The following TMEM181 variants were observed in gnomAD, a reference collection of about 807,000 sequenced individuals.
TMEM181 encodes the protein transmembrane protein 181, also known as G protein-coupled receptor 178.
In TMEM181, 39 loss-of-function variants were observed where a neutral mutation model predicts 71.9. The ratio of observed to expected loss-of-function variants is 0.54; its 90% CI spans 0.42 to 0.71. The LOEUF is 0.71. Among genes scored for constraint, TMEM181 ranks in the 30% least tolerant of loss-of-function variants. The probability of loss-of-function intolerance (pLI) is 0.00; values close to 1 mark genes in which losing one functional copy is unlikely to be tolerated. For synonymous variants in TMEM181, 245 were observed against 228.8 expected, an observed-to-expected ratio of 1.07 and a Z score of -0.64; for missense variants, 595 against 583.0, an observed-to-expected ratio of 1.02 and a Z score of -0.21.
At chr6:158,592,366 C>T (rs543015357) in intron 6 of TMEM181, among the ~76,000 whole-genome samples, 3 of 152,200 alleles carry the variant, frequency 2.0e-5, no homozygotes, top group Non-Finnish European at 4.4e-5. Flanking sequence ...TAGATTGGGC[C>T]GGGGGCAGTA....
intron 1 of TMEM181, among the ~76,000 whole-genome samples, chr6:158,560,874 T>G (rs1009674380): frequency 3.9e-5 from 6 of 152,052 alleles, no homozygotes; most frequent in African/African-American, 1.2e-4. Flanking sequence ...AAAACCTGTT[T>G]GGGGTCTCGT....
In TMEM181 at chr6:158,589,800, C is replaced by G. The variant is rs1016549950; in HGVS notation, c.492+18C>G. The G allele has an allele frequency of 2.6e-6, 4 of 1,532,304 alleles. No homozygotes were observed. In the African/African-American group the frequency reaches 5.5e-5, roughly 21 times the overall value. The allele number at this position is 1,532,304 out of a possible 1,614,324, so 94.9% of individuals were successfully genotyped here. On this transcript the variant is annotated intron_variant, in intron 6 of 16. Coordinates refer to ENST00000684151, the MANE Select transcript of TMEM181 (RefSeq NM_001376852.1). ...ACTTCACAGTAAGTATACCAGCTGA[C>G]TGCACGTTTCCATGGCTCATGTTCT...
At chr6:158,577,684 A>G (rs1783241134) in intron 2 of TMEM181, among the ~76,000 whole-genome samples, 1 of 152,248 alleles carries the variant, frequency 6.6e-6, no homozygotes, top group Non-Finnish European at 1.5e-5. Flanking sequence ...TCTTGAAAGC[A>G]GTAAGAGAGT....
rs1784877195 is a variant in TMEM181, at chr6:158,605,131, AG to A, written c.493-135del. The A allele has an allele frequency of 8.8e-4, 142 of 160,588 alleles. No homozygotes were observed. The Middle Eastern group carries it at 0.012, about 14-fold the overall frequency. The allele number at this position is 160,588 out of a possible 1,614,324, so 9.9% of individuals were successfully genotyped here. A position where few individuals can be genotyped will look rare whatever the true frequency, so the allele number is the denominator to read the frequency against. On this transcript the variant is annotated intron_variant, in intron 6 of 16. Transcript: ENST00000684151. Reference sequence around the variant, plus strand: ...TCCATATCCAAAAAAAAAAAAAAAAAGTGTGTGTGTGTGTGTGTGTGTGTGT... The same window carrying A: ...TCCATATCCAAAAAAAAAAAAAAAAATGTGTGTGTGTGTGTGTGTGTGTGT...
chr6:158,570,890 T>C (rs1031147455), intron 1 of TMEM181, among the ~76,000 whole-genome samples: 4 of 151,688 alleles, frequency 2.6e-5, no homozygotes, highest in African/African-American at 9.7e-5. Context: ...AATCTTCCAT[T>C]CTGCAGTATT....
In TMEM181 at chr6:158,585,340, A is replaced by G; in HGVS notation, c.296A>G (p.Lys99Arg). 1 of 1,609,164 alleles carries G rather than the reference A, an allele frequency of 6.2e-7. No individual in the cohort carries two copies. The highest frequency in any genetic ancestry group is 8.5e-7 in the Non-Finnish European group (1 of 1,178,860). Reference sequence around the variant, plus strand: ...AAGACAAGCTTTCCCATGACTGTTAAAGTCGATGGTGTAGCTCAAGATGGA... The same window carrying G: ...AAGACAAGCTTTCCCATGACTGTTAGAGTCGATGGTGTAGCTCAAGATGGA... ...SIKTSFPMTV[K>R]VDGVAQDGTT... The change falls in exon 5 of 17, where the codon AAA (lysine) becomes AGA (arginine). Residue 99 changes from lysine (K) to arginine (R), a missense_variant. By Grantham distance (26) the Lys-to-Arg change is conservative. Transcript: ENST00000684151.
At chr6:158,576,636 C>G (rs180902201) in intron 2 of TMEM181, among the ~76,000 whole-genome samples, 15 of 152,140 alleles carry the variant, frequency 9.9e-5, no homozygotes, top group African/African-American at 3.4e-4. Flanking sequence ...TCAGGCTGAT[C>G]CTTTGCACAG....
intron 6 of TMEM181, among the ~76,000 whole-genome samples, chr6:158,602,140 G>GA (rs1175331838): frequency 6.6e-6 from 1 of 152,044 alleles, no homozygotes; most frequent in Non-Finnish European, 1.5e-5. Flanking sequence ...ATTTTTTTGA[G>GA]AATTTTATGT....
At chr6:158,585,974 G>A (rs1487086472) in intron 5 of TMEM181, among the ~76,000 whole-genome samples, 1 of 152,216 alleles carries the variant, frequency 6.6e-6, no homozygotes, top group Admixed American at 6.5e-5. Flanking sequence ...GCAAGCGTAT[G>A]CTACCAGGGC....
chr6:158,612,824 T>C (rs1029990307), intron 10 of TMEM181, among the ~76,000 whole-genome samples: 3 of 152,234 alleles, frequency 2.0e-5, no homozygotes, highest in Admixed American at 6.5e-5. Flanking sequence ...CTGTCTGATA[T>C]CCTACCCTCA....
chr6:158,563,091 G>C (rs1782277516), intron 1 of TMEM181, among the ~76,000 whole-genome samples: 1 of 152,342 alleles, frequency 6.6e-6, no homozygotes, highest in Non-Finnish European at 1.5e-5. Flanking sequence ...AATTGCCACA[G>C]CATTGCTAGG....
At chr6:158,586,740 C>T (rs1783795023) in intron 5 of TMEM181, among the ~76,000 whole-genome samples, 1 of 152,154 alleles carries the variant, frequency 6.6e-6, no homozygotes, top group Admixed American at 6.6e-5. Context: ...GTGGGACTGG[C>T]CTCTCATTCT....
At position 158,628,548 on chromosome 6, in the gene TMEM181, T is replaced by C. The variant is rs1786472057; in HGVS notation, c.1192+58T>C. 20 of 1,503,338 alleles carry C rather than the reference T, an allele frequency of 1.3e-5. No individual in the cohort carries two copies. The Middle Eastern group carries it at 5.8e-4, about 43-fold the overall frequency. The allele number at this position is 1,503,338 out of a possible 1,614,324, so 93.1% of individuals were successfully genotyped here. A position where few individuals can be genotyped will look rare whatever the true frequency, so the allele number is the denominator to read the frequency against. ...GACGCCTGCTTAGCATTGCAGCAGT[T>C]AGTGGCTCAGATTTGCCCCTCTCAA... On this transcript the variant is annotated intron_variant, in intron 14 of 16. Coordinates refer to ENST00000684151, the MANE Select transcript of TMEM181 (RefSeq NM_001376852.1).
intron 11 of TMEM181, among the ~76,000 whole-genome samples, chr6:158,624,666 G>A (rs1275276441): frequency 1.3e-5 from 2 of 152,252 alleles, no homozygotes; most frequent in African/African-American, 2.4e-5. Context: ...AACAGAGGTC[G>A]GGAATGGTTG....
chr6:158,560,315 G>C, intron 1 of TMEM181, 83 bp downstream of exon 1: 1 of 985,182 alleles, frequency 1.0e-6, no homozygotes, highest in South Asian at 4.7e-5. Context: ...TCCCGGCGCC[G>C]TGCCGCAGGG....
chr6:158,587,767 C>T (rs988467832), intron 5 of TMEM181, among the ~76,000 whole-genome samples: 3 of 152,014 alleles, frequency 2.0e-5, no homozygotes, highest in South Asian at 2.1e-4. Context: ...GCAGCAGAAC[C>T]GTGGTTTGAA....
At chr6:158,536,756 T>C (rs1454557339) in exon 1 of TMEM181, 2 of 1,577,484 alleles carry the variant, frequency 1.3e-6, no homozygotes, top group South Asian at 2.3e-5. Flanking sequence ...GTACCCTGCC[T>C]TTGAGCCCCC....
chr6:158,583,409 T>G (rs1327309753), intron 3 of TMEM181, among the ~76,000 whole-genome samples: 1 of 152,156 alleles, frequency 6.6e-6, no homozygotes, highest in African/African-American at 2.4e-5. Flanking sequence ...GTGTGAAAAA[T>G]GTCTGCTTAG....
intron 10 of TMEM181, among the ~76,000 whole-genome samples, chr6:158,622,545 C>T (rs1786026129): frequency 6.6e-6 from 1 of 152,160 alleles, no homozygotes; most frequent in South Asian, 2.1e-4. Context: ...GGGGATGGTG[C>T]AGGATGTCAT....
Sources: gnomAD v4.1 joint callset for allele counts (sites outside exome capture counted in the v4.1 genomes callset) on GRCh38, gnomAD v4.1.1 for gene constraint, MANE v1.5 for transcripts, NCBI Gene and HGNC (gene_info 2026-07-23, HGNC 2026-07-21) for gene names.